The following OGG1 variants were observed in gnomAD, a reference collection of about 807,000 sequenced individuals.
OGG1 encodes 8-oxoguanine DNA glycosylase.
OGG1 carries 35 observed loss-of-function variants against 42.3 expected under a neutral mutation model. The observed-to-expected ratio is 0.83, with a 90% CI of 0.63 to 1.10. The LOEUF (loss-of-function observed/expected upper bound fraction) is 1.10, where lower values mean the gene tolerates loss of function less well. Ranked by LOEUF, OGG1 falls within the 50% of genes least tolerant of loss-of-function variation. OGG1 has a pLI of 0.00. For synonymous variants in OGG1, 189 were observed against 179.0 expected, an observed-to-expected ratio of 1.06 and a Z score of -0.44; for missense variants, 484 against 446.7, an observed-to-expected ratio of 1.08 and a Z score of -0.75.
At chr3:9,760,648 C>T (rs2077814694), downstream of OGG1, 1 of 1,613,714 alleles carries the variant, frequency 6.2e-7, no homozygotes, top group Non-Finnish European at 8.5e-7. Flanking sequence ...AAGCAAAGCC[C>T]CAAATACCAG....
At chr3:9,750,445 G>A (rs139853597) in intron 1 of OGG1, 22 bp downstream of exon 1, 2,209 of 1,613,310 alleles carry the variant, frequency 1.4e-3, no homozygotes, top group Non-Finnish European at 1.6e-3. Context: ...AGCCTGAGAA[G>A]CCTGTCCCCT....
exon 8 of OGG1, chr3:9,765,922 A>G (rs753598242): frequency 6.2e-7 from 1 of 1,614,006 alleles, no homozygotes; most frequent in East Asian, 2.2e-5. Flanking sequence ...AAGGTGAAGA[A>G]CTGGAACCCC....
exon 8 of OGG1, chr3:9,765,837 A>G: frequency 6.2e-7 from 1 of 1,613,970 alleles, no homozygotes; most frequent in East Asian, 2.2e-5. Flanking sequence ...TTTGATGGCC[A>G]CCAGCTTCTG....
chr3:9,750,421 C>G lies in OGG1; in HGVS notation c.135C>G (p.Phe45Leu), dbSNP rs762463316. Residue 45 changes from phenylalanine (F) to leucine (L), a missense_variant and splice_region_variant, in exon 1 of 7, where the codon TTC becomes TTG. By Grantham distance (22) the Phe-to-Leu change is conservative. Transcript: ENST00000344629. ...TGGTTCTGCCTTCTGGACAATCTTT[C>G]CGGTGAGTGACTGAGCCTGAGAAGC... The part of the protein sequence containing the change: ...LDLVLPSGQS[F>L]RWREQSPAHW... The G allele has an allele frequency of 6.2e-7, 1 of 1,613,916 alleles. No homozygotes were observed. Among genetic ancestry groups the G allele is most frequent in the Non-Finnish European group, 8.5e-7 (1 of 1,180,026 alleles).
intron 2 of OGG1, among the ~76,000 whole-genome samples, chr3:9,774,245 C>T (rs2078336650): frequency 6.6e-6 from 1 of 152,108 alleles, no homozygotes; most frequent in African/African-American, 2.4e-5. Context: ...CCCATCTCTA[C>T]TAAAAATACA....
chr3:9,751,717 G>A, intron 2 of OGG1, 53 bp from the exon 3 acceptor site: 1 of 1,557,046 alleles, frequency 6.4e-7, no homozygotes, highest in East Asian at 2.2e-5. Flanking sequence ...GGTGGGAAGA[G>A]GCCACACCCA....
intron 7 of OGG1, chr3:9,763,091 G>A: frequency 6.2e-7 from 1 of 1,614,100 alleles, no homozygotes; most frequent in East Asian, 2.2e-5. Context: ...AAGAGGGTTG[G>A]GACAGCTGGG....
At chr3:9,776,257 A>G (rs1443499246) in intron 2 of OGG1, among the ~76,000 whole-genome samples, 2 of 151,844 alleles carry the variant, frequency 1.3e-5, no homozygotes, top group Non-Finnish European at 2.9e-5. Flanking sequence ...CTGGAATGTT[A>G]TCTTCTGCCC....
At chr3:9,767,363 C>T (rs377649698), downstream of OGG1, among the ~76,000 whole-genome samples, 21 of 152,348 alleles carry the variant, frequency 1.4e-4, 1 homozygote, top group African/African-American at 5.1e-4. Context: ...ACAGAGCCAT[C>T]TCCAGCCTCA....
intron 2 of OGG1, chr3:9,780,391 T>C (rs1048684): frequency 6.2e-7 from 1 of 1,612,538 alleles, no homozygotes; most frequent in Non-Finnish European, 8.5e-7. Context: ...GCTCTCACGC[T>C]CCTTCAGAGT....
chr3:9,754,632 C>A, intron 3 of OGG1, 72 bp from the exon 4 acceptor site: 1 of 1,525,820 alleles, frequency 6.6e-7, no homozygotes, highest in Non-Finnish European at 9.0e-7. Context: ...AGGTAGAGAG[C>A]TCACTTACTA....
chr3:9,774,340 C>T (rs1342217687), intron 2 of OGG1, among the ~76,000 whole-genome samples: 5 of 142,410 alleles, frequency 3.5e-5, no homozygotes, highest in African/African-American at 5.3e-5. Flanking sequence ...ACCTGGTAGG[C>T]GGAGACTGCA....
chr3:9,757,412 G>A (rs2077629351), downstream of OGG1: 1 of 1,609,546 alleles, frequency 6.2e-7, no homozygotes, highest in Non-Finnish European at 8.5e-7. This position sits in a 1 kb window ranked among gnomAD's most constrained non-coding sequence, Gnocchi z 4.5. Flanking sequence ...GGAAAATGCA[G>A]TGAGGAGTGG....
At chr3:9,788,074 G>A (rs767225571) in exon 4 of OGG1, 15 of 240,648 alleles carry the variant, frequency 6.2e-5, no homozygotes, top group South Asian at 1.5e-4. Flanking sequence ...GCGTGGACTT[G>A]ATCCTGTAGA....
At chr3:9,765,204 G>A (rs1373856969) in intron 7 of OGG1, among the ~76,000 whole-genome samples, 1 of 151,016 alleles carries the variant, frequency 6.6e-6, no homozygotes, top group East Asian at 2.0e-4. Context: ...TCCAGCCGGG[G>A]CAACAGAGTG....
At chr3:9,762,903 T>G (rs79547802) in intron 7 of OGG1, 1 of 1,613,946 alleles carries the variant, frequency 6.2e-7, no homozygotes, top group Non-Finnish European at 8.5e-7. Context: ...CCACACCCCC[T>G]TGAGCCCCAC....
chr3:9,752,380 G>A (rs1450694032), intron 3 of OGG1, among the ~76,000 whole-genome samples: 3 of 151,914 alleles, frequency 2.0e-5, no homozygotes, highest in Non-Finnish European at 4.4e-5. Context: ...GTTGAAGAAA[G>A]GAATATACAT....
intron 2 of OGG1, chr3:9,780,270 G>A (rs1481841452): frequency 4.2e-6 from 6 of 1,415,812 alleles, no homozygotes; most frequent in Non-Finnish European, 9.6e-7. Context: ...GACAGCCACA[G>A]GCCAATGTTT....
chr3:9,770,378 C>T (rs755319349), downstream of OGG1, among the ~76,000 whole-genome samples: 106 of 152,072 alleles, frequency 7.0e-4, no homozygotes, highest in Non-Finnish European at 6.5e-4. Context: ...GCACGGGAGT[C>T]TGGTGGGGGA....
Sources: allele counts gnomAD v4.1 joint callset (sites outside exome capture counted in the v4.1 genomes callset), GRCh38; gene constraint gnomAD v4.1.1; non-coding constraint Gnocchi (gnomAD v3.1); transcripts MANE v1.5; gene names NCBI Gene and HGNC (gene_info 2026-07-23, HGNC 2026-07-21).